Variants in PDGFRL observed in about 807,000 individuals in gnomAD.
The protein encoded by PDGFRL is platelet-derived growth factor receptor-like protein.
A neutral mutation model predicts 37.2 loss-of-function variants in PDGFRL; 46 were observed. The ratio of observed to expected loss-of-function variants is 1.24; its 90% confidence interval spans 0.98 to 1.58. The LOEUF is 1.58. Ranked by LOEUF, PDGFRL falls within the 40% of genes most tolerant of loss-of-function variation. The pLI, the probability that PDGFRL is intolerant of heterozygous loss-of-function variation, is 0.00. For missense variants in PDGFRL, 692 were observed against 467.6 expected, an observed-to-expected ratio of 1.48 and a Z score of -4.43; for synonymous variants, 251 against 184.3, an observed-to-expected ratio of 1.36 and a Z score of -2.93.
chr8:17,634,822 G>A (rs1804936967), intron 5 of PDGFRL, among the ~76,000 whole-genome samples: 1 of 152,140 alleles, frequency 6.6e-6, no homozygotes, highest in South Asian at 2.1e-4. Context: ...CCTGGGGGTG[G>A]AGGGTGGGAG....
At chr8:17,606,886 G>GTTTTTTGTTTTTTTTTTTTTTTTT (rs1804290094) in intron 2 of PDGFRL, among the ~76,000 whole-genome samples, 1 of 138,262 alleles carries the variant, frequency 7.2e-6, no homozygotes, top group African/African-American at 2.8e-5. Flanking sequence ...TTCGTTTTTT[G>GTTTTTTGTTTTTTTTTTTTTTTTT]TTTTTTTGTT....
chr8:17,643,120 G>A lies in PDGFRL; in HGVS notation c.*319G>A. On this transcript the variant is annotated 3_prime_UTR_variant, in exon 6 of 6. Transcript: ENST00000251630. The stretch of plus-strand genomic sequence containing the variant: ...AGCACGTTTTTGTAAAAAATAAAAA[G>A]TGGGATAAGTGTTTTTTAAGTTAAG... The A allele has an allele frequency of 4.0e-6, 1 of 247,436 alleles. No individual in the cohort carries two copies. Among genetic ancestry groups the A allele is most frequent in the South Asian group, 8.8e-5 (1 of 11,384 alleles). 15.3% of individuals were successfully genotyped at this position (247,436 alleles called of 1,614,324 possible). A position where few individuals can be genotyped will look rare whatever the true frequency, so the allele number is the denominator to read the frequency against.
intron 2 of PDGFRL, 56 bp from the exon 3 acceptor site, chr8:17,620,995 T>C (rs1400943426): frequency 3.5e-6 from 5 of 1,424,790 alleles, no homozygotes; most frequent in Non-Finnish European, 4.8e-6. Context: ...GTGTGACAGC[T>C]GGAGGGCCCC....
rs35704589 is a variant in PDGFRL at position 17,589,618 on chromosome 8, T to C, written c.206T>C (p.Met69Thr). Residue 69 changes from methionine to threonine, a missense_variant, in exon 2 of 6, where the codon ATG becomes ACG. Coordinates refer to ENST00000251630, the MANE Select transcript of PDGFRL (RefSeq NM_001372073.1). ...NSAPKTQSIM[M>T]QVLDKGRFQK... ...GCACCAAAGACGCAGTCTATCATGA[T>C]GCAAGTGCTGGATAAAGGTCGCTTC... The C allele has an allele frequency of 2.1e-3, 3,343 of 1,614,018 alleles. 75 individuals are homozygous for C. In the African/African-American group the frequency reaches 0.039, roughly 19 times the overall value.
chr8:17,613,845 T>G (rs1804470822), intron 2 of PDGFRL, among the ~76,000 whole-genome samples: 3 of 151,888 alleles, frequency 2.0e-5, no homozygotes, highest in African/African-American at 2.4e-5. Flanking sequence ...GGTAACAGAG[T>G]GAGACCCCAT....
At chr8:17,620,558 G>A (rs1030927715) in intron 2 of PDGFRL, among the ~76,000 whole-genome samples, 12 of 152,128 alleles carry the variant, frequency 7.9e-5, no homozygotes, top group Admixed American at 2.6e-4. Flanking sequence ...GCTAAAGTCC[G>A]TAGTTTAAGT....
intron 2 of PDGFRL, among the ~76,000 whole-genome samples, chr8:17,603,578 T>A (rs1473798528): frequency 6.6e-6 from 1 of 152,162 alleles, no homozygotes; most frequent in Non-Finnish European, 1.5e-5. Flanking sequence ...ACAGTAGTTA[T>A]CATTTGTCGA....
chr8:17,576,661 C>G, upstream of PDGFRL: 1 of 966,646 alleles, frequency 1.0e-6, no homozygotes, highest in Non-Finnish European at 1.2e-6. Context: ...TGTAATGAAC[C>G]CGTCCTCCCA....
chr8:17,592,851 T>C (rs1803969220), intron 2 of PDGFRL, among the ~76,000 whole-genome samples: 1 of 152,024 alleles, frequency 6.6e-6, no homozygotes, highest in Admixed American at 6.5e-5. Context: ...GCGGTTAGCT[T>C]TCTCTATTAA....
chr8:17,608,515 G>A (rs1301695163), intron 2 of PDGFRL, among the ~76,000 whole-genome samples: 1 of 152,188 alleles, frequency 6.6e-6, no homozygotes, highest in Admixed American at 6.5e-5. Flanking sequence ...GGAGGCAGAG[G>A]GAGGCACTGT....
chr8:17,640,736 A>G (rs1271822080), intron 5 of PDGFRL, among the ~76,000 whole-genome samples: 1 of 151,960 alleles, frequency 6.6e-6, no homozygotes, highest in African/African-American at 2.4e-5. Flanking sequence ...TTATTGCACT[A>G]GTTTTGTGTT....
intron 5 of PDGFRL, among the ~76,000 whole-genome samples, chr8:17,637,932 C>T (rs34062301): frequency 0.71 from 90,478 of 126,710 alleles, 27,987 homozygotes; most frequent in East Asian, 0.79. Context: ...TCATTTCTAA[C>T]TGAAGCTTAT....
chr8:17,605,470 C>T (rs1342452808), intron 2 of PDGFRL, among the ~76,000 whole-genome samples: 1 of 152,204 alleles, frequency 6.6e-6, no homozygotes, highest in Non-Finnish European at 1.5e-5. Context: ...GACCCATTTG[C>T]ATCTTCTCTG....
chr8:17,582,311 C>G (rs868336887), intron 1 of PDGFRL, among the ~76,000 whole-genome samples: 1 of 152,020 alleles, frequency 6.6e-6, no homozygotes, highest in Non-Finnish European at 1.5e-5. Context: ...TAGGATCAGC[C>G]GGGCAGGGTG....
rs1563527416 is a variant in PDGFRL, at chr8:17,628,666, CG to C, written c.689del (p.Gly230AlafsTer54). ...NGTDIVYDMK[R>X]GFVYLQPHSE... is the part of the protein sequence containing the mutation. ...AACGGACATTGTTTATGACATGAAGCGGGGCTTTGTGTATCTGCAACCTCAT... is the reference window on the plus strand; with the variant it reads ...AACGGACATTGTTTATGACATGAAGCGGGCTTTGTGTATCTGCAACCTCAT... On this transcript the variant is annotated frameshift_variant, in exon 4 of 6. Coordinates refer to ENST00000251630, the MANE Select transcript of PDGFRL (RefSeq NM_001372073.1). LOFTEE classifies it high-confidence loss of function. 2 of 1,614,092 alleles carry C rather than the reference CG, an allele frequency of 1.2e-6. No individual in the cohort carries two copies. Among genetic ancestry groups the C allele is most frequent in the South Asian group, 2.2e-5 (2 of 91,076 alleles).
At chr8:17,608,437 G>A (rs1437921529) in intron 2 of PDGFRL, among the ~76,000 whole-genome samples, 5 of 152,260 alleles carry the variant, frequency 3.3e-5, no homozygotes, top group Non-Finnish European at 5.9e-5. Context: ...GCCCTCATGC[G>A]TTTATTTACC....
intron 2 of PDGFRL, among the ~76,000 whole-genome samples, chr8:17,601,911 C>T (rs1481993066): frequency 6.6e-6 from 1 of 152,128 alleles, no homozygotes; most frequent in Non-Finnish European, 1.5e-5. Context: ...GCTCTTGTGA[C>T]TAGTGCTGCA....
intron 2 of PDGFRL, among the ~76,000 whole-genome samples, chr8:17,620,540 C>T (rs1392901932): frequency 2.0e-5 from 3 of 152,158 alleles, no homozygotes; most frequent in Non-Finnish European, 4.4e-5. Context: ...ATTTATACAT[C>T]ATTATTAGCT....
Position 17,628,480 on chromosome 8 carries a change from T to G in PDGFRL, c.506-7T>G. On this transcript the variant is annotated splice_region_variant and splice_polypyrimidine_tract_variant and intron_variant, in intron 3 of 5. Coordinates refer to ENST00000251630, the MANE Select transcript of PDGFRL (RefSeq NM_001372073.1). ...TGAATAAGCCTGTGTCTTCCTTCCC[T>G]TTGCAGAGAAAGGAGAACTCTTTGT... 6.2e-7 allele frequency: 1 copy of G among 1,611,304 alleles called. No individual in the cohort carries two copies. Among genetic ancestry groups the G allele is most frequent in the Non-Finnish European group, 8.5e-7 (1 of 1,177,424 alleles).
Sources: gnomAD v4.1 joint callset for allele counts (sites outside exome capture counted in the v4.1 genomes callset) on GRCh38, gnomAD v4.1.1 for gene constraint, MANE v1.5 for transcripts, NCBI Gene and HGNC (gene_info 2026-07-23, HGNC 2026-07-21) for gene names.